Variants in GALNT8 observed in about 807,000 individuals in gnomAD.
The protein encoded by GALNT8 is probable polypeptide N-acetylgalactosaminyltransferase 8.
Under a neutral mutation model 62.7 loss-of-function variants are expected in GALNT8, and 66 were observed. That is an observed-to-expected ratio of 1.05 (90% CI 0.86 to 1.29). The LOEUF (loss-of-function observed/expected upper bound fraction) is 1.29, where lower values mean the gene tolerates loss of function less well. Ranked by LOEUF, GALNT8 falls within the 50% of genes most tolerant of loss-of-function variation. The probability of loss-of-function intolerance (pLI) is 0.00; values close to 1 mark genes in which losing one functional copy is unlikely to be tolerated. For synonymous variants in GALNT8, 288 were observed against 294.3 expected (o/e 0.98, Z 0.22); for missense variants, 771 against 791.8 (o/e 0.97, Z 0.32).
Position 4,726,505 on chromosome 12 carries a change from T to A in GALNT8, c.212-27T>A. ...TAAGGAGGGGCTGAAATGTTTTCTC[T>A]CCCACCCCTGTCCTCTTCATTTGCA... On this transcript the variant is annotated intron_variant, in intron 1 of 10. Transcript: ENST00000252318. This position sits in a 1 kb window ranked among gnomAD's most constrained non-coding sequence, Gnocchi z 4.1. 6.4e-7 allele frequency: 1 copy of A among 1,568,268 alleles called. No individual in the cohort carries two copies. The highest frequency in any genetic ancestry group is 8.7e-7 in the Non-Finnish European group (1 of 1,150,932).
At position 4,757,297 on chromosome 12, in the gene GALNT8, C is replaced by T. The variant is rs1313420701; in HGVS notation, c.1174-3661C>T. ...GAAGAGAAGCATTTTGTTTAATGTACCTCATAAGAATGATGGTACAGTCAC... is the reference window on the plus strand; with the variant it reads ...GAAGAGAAGCATTTTGTTTAATGTATCTCATAAGAATGATGGTACAGTCAC... On this transcript the variant is annotated intron_variant, in intron 6 of 10. Transcript: ENST00000252318. Among the ~76,000 whole-genome samples the T allele has an allele frequency of 2.0e-5, 3 of 152,078 alleles. No homozygotes were observed. The East Asian group carries it at 5.8e-4, about 29-fold the overall frequency.
chr12:4,769,680 T>C (rs1223542249), intron 10 of GALNT8, among the ~76,000 whole-genome samples: 1 of 151,798 alleles, frequency 6.6e-6, no homozygotes, highest in Non-Finnish European at 1.5e-5. Flanking sequence ...TATCTTGTTA[T>C]GAGTGCTTTT....
At chr12:4,746,111 A>C in intron 5 of GALNT8, 33 bp from the exon 6 acceptor site, 6 of 1,243,798 alleles carry the variant, frequency 4.8e-6, no homozygotes, top group Non-Finnish European at 7.1e-6. Flanking sequence ...CTCCTTATGG[A>C]GAGATTAGTG....
chr12:4,756,868 G>A (rs1946347267), intron 6 of GALNT8, among the ~76,000 whole-genome samples: 1 of 152,266 alleles, frequency 6.6e-6, no homozygotes, highest in South Asian at 2.1e-4. Context: ...TGGTTGATGT[G>A]GTTAGGCTTT....
intron 2 of GALNT8, among the ~76,000 whole-genome samples, chr12:4,730,856 T>C (rs983168115): frequency 6.6e-6 from 1 of 151,584 alleles, no homozygotes; most frequent in Non-Finnish European, 1.5e-5. Context: ...CCTGAGATGA[T>C]TTTTCTTTTC....
At position 4,749,191 on chromosome 12, in the gene GALNT8, CT is replaced by C. The variant is rs1946312676; in HGVS notation, c.1173+2936del. Among the ~76,000 whole-genome samples, 1 of 152,216 alleles carries C rather than the reference CT, an allele frequency of 6.6e-6. No homozygotes were observed. The highest frequency in any genetic ancestry group is 1.9e-4 in the East Asian group (1 of 5,180). The stretch of plus-strand genomic sequence containing the variant: ...ACTTCATCCATTCCAACTTGGATGC[CT>C]TTATTTATTTCTCTTGTCTAATTGC... On this transcript the variant is annotated intron_variant, in intron 6 of 10. Transcript: ENST00000252318. This position sits in a 1 kb window ranked among gnomAD's most constrained non-coding sequence, Gnocchi z 4.1.
chr12:4,765,509 C>G lies in GALNT8; in HGVS notation c.1724C>G (p.Ala575Gly). The G allele has an allele frequency of 6.2e-7, 1 of 1,611,382 alleles. No homozygotes were observed. The highest frequency in any genetic ancestry group is 8.5e-7 in the Non-Finnish European group (1 of 1,179,520). ...KPTLEPCSKAAKNRLHIYWDF... is the reference protein window; with the variant it reads ...KPTLEPCSKAGKNRLHIYWDF... ...ACCTTAGAACCATGCTCCAAGGCAG[C>G]TAAGAATAGACTGCATATATATTGG... The change falls in exon 10 of 11, where the codon GCT (alanine) becomes GGT (glycine). Residue 575 changes from alanine to glycine, a missense_variant. Transcript: ENST00000252318.
intron 7 of GALNT8, among the ~76,000 whole-genome samples, chr12:4,762,702 T>C (rs1056057661): frequency 6.6e-6 from 1 of 152,230 alleles, no homozygotes; most frequent in African/African-American, 2.4e-5. Flanking sequence ...AATATCAAGG[T>C]TACTTCACAG....
intron 6 of GALNT8, among the ~76,000 whole-genome samples, chr12:4,753,674 C>G (rs1197432465): frequency 6.6e-6 from 1 of 152,178 alleles, no homozygotes; most frequent in Admixed American, 6.5e-5. Context: ...GGATTGGTCC[C>G]TTCATTCATT....
At chr12:4,725,068 T>C (rs1223564615) in intron 1 of GALNT8, among the ~76,000 whole-genome samples, 1 of 152,250 alleles carries the variant, frequency 6.6e-6, no homozygotes, top group Non-Finnish European at 1.5e-5. Context: ...CACGTGATCC[T>C]GTCAGTCTGG....
At chr12:4,725,406 G>C (rs1264363869) in intron 1 of GALNT8, among the ~76,000 whole-genome samples, 1 of 152,060 alleles carries the variant, frequency 6.6e-6, no homozygotes, top group Non-Finnish European at 1.5e-5. Flanking sequence ...TTTGAGTTAA[G>C]GCAGTGTTTC....
intron 9 of GALNT8, among the ~76,000 whole-genome samples, 197 bp downstream of exon 9, chr12:4,764,244 C>G (rs1180595776): frequency 6.6e-6 from 1 of 152,182 alleles, no homozygotes; most frequent in Admixed American, 6.5e-5. Context: ...CAACGTAGTT[C>G]CATTTCAGTT....
Position 4,772,572 on chromosome 12 carries a change from A to C in GALNT8, c.1889A>C (p.Asp630Ala), listed in dbSNP as rs16931692. The C allele has an allele frequency of 6.2e-7, 1 of 1,613,818 alleles. No individual in the cohort carries two copies. The highest frequency in any genetic ancestry group is 1.3e-5 in the African/African-American group (1 of 75,034). ...QVWEIQHTVRDWGQTNSQ is the reference protein window; with the variant it reads ...QVWEIQHTVRAWGQTNSQ ...TGGGAAATCCAGCACACTGTCAGAG[A>C]CTGGGGTCAGACCAACAGCCAGTGA... Residue 630 changes from aspartate (D) to alanine (A), a missense_variant, in exon 11 of 11, where the codon GAC becomes GCC. By Grantham distance (126) the Asp-to-Ala change is moderately radical (BLOSUM62 -2). Coordinates refer to ENST00000252318, the MANE Select transcript of GALNT8 (RefSeq NM_017417.2).
At chr12:4,752,515 AACAG>A (rs1044788072) in intron 6 of GALNT8, among the ~76,000 whole-genome samples, 10 of 150,576 alleles carry the variant, frequency 6.6e-5, no homozygotes, top group Admixed American at 2.6e-4. Context: ...TATTTGCATA[AACAG>A]ACAACCAAAC....
At chr12:4,761,235 G>A (rs1946371324) in intron 7 of GALNT8, 92 bp downstream of exon 7, 19 of 1,035,824 alleles carry the variant, frequency 1.8e-5, no homozygotes, top group Middle Eastern at 2.1e-4. Context: ...AAGTGCCATC[G>A]CAGCCCTAAA....
chr12:4,741,082 G>A (rs976970047), intron 3 of GALNT8, among the ~76,000 whole-genome samples: 9 of 152,124 alleles, frequency 5.9e-5, no homozygotes, highest in African/African-American at 2.2e-4. Context: ...TTGACTATAA[G>A]GGCTATGAAG....
Position 4,730,796 on chromosome 12 carries a change from C to G in GALNT8, c.509+3967C>G, listed in dbSNP as rs530234129. Reference sequence around the variant, plus strand: ...GGGATTGAATTCAATCTGTAGATCACTATGGGAGGCATGAACATTTTAACA... The same window carrying G: ...GGGATTGAATTCAATCTGTAGATCAGTATGGGAGGCATGAACATTTTAACA... On this transcript the variant is annotated intron_variant, in intron 2 of 10. Coordinates refer to ENST00000252318, the MANE Select transcript of GALNT8 (RefSeq NM_017417.2). Among the ~76,000 whole-genome samples the G allele has an allele frequency of 5.7e-4, 86 of 151,656 alleles. 1 individual carries two copies. Among genetic ancestry groups the G allele is most frequent in the African/African-American group, 2.0e-3 (81 of 41,378 alleles).
Position 4,772,680 on chromosome 12 carries a change from A to G in GALNT8, c.*83A>G, listed in dbSNP as rs1946431276. On this transcript the variant is annotated 3_prime_UTR_variant, in exon 11 of 11. Coordinates refer to ENST00000252318, the MANE Select transcript of GALNT8 (RefSeq NM_017417.2). ...CCTAACACTCCCAGCTTCTTTCTCA[A>G]TGAGAAAGAAAGCATGTGTATGTCT... 1 of 1,073,058 alleles carries G rather than the reference A, an allele frequency of 9.3e-7. No homozygotes were observed. Among genetic ancestry groups the G allele is most frequent in the African/African-American group, 1.5e-5 (1 of 64,528 alleles). 66.5% of individuals were successfully genotyped at this position (1,073,058 alleles called of 1,614,324 possible).
intron 2 of GALNT8, among the ~76,000 whole-genome samples, chr12:4,728,818 A>T (rs1037820732): frequency 9.2e-5 from 14 of 152,118 alleles, no homozygotes; most frequent in Non-Finnish European, 1.8e-4. Context: ...CTTCTTTCTC[A>T]AGACTGTTTT....
Sources: gnomAD v4.1 joint callset for allele counts (sites outside exome capture counted in the v4.1 genomes callset) on GRCh38, gnomAD v4.1.1 for gene constraint, Gnocchi (gnomAD v3.1) non-coding constraint, MANE v1.5 for transcripts, NCBI Gene and HGNC (gene_info 2026-07-23, HGNC 2026-07-21) for gene names.